Variants in PLEKHA2 observed in about 807,000 individuals in gnomAD.
PLEKHA2 encodes the protein pleckstrin homology domain containing A2, also known as pleckstrin homology domain-containing family A member 2.
Under a neutral mutation model 53.2 loss-of-function variants are expected in PLEKHA2, and 28 were observed. That is an observed-to-expected ratio of 0.53 (90% CI 0.39 to 0.72). The LOEUF (loss-of-function observed/expected upper bound fraction) is 0.72. PLEKHA2 is among the 30% of genes least tolerant of loss of function. The probability of loss-of-function intolerance (pLI) is 0.00; values close to 1 mark genes in which losing one functional copy is unlikely to be tolerated. For missense variants in PLEKHA2, 426 were observed against 537.9 expected, an observed-to-expected ratio of 0.79 and a Z score of 2.06; for synonymous variants, 193 against 196.4, an observed-to-expected ratio of 0.98 and a Z score of 0.14.
chr8:38,908,672 G>A (rs758801100), intron 1 of PLEKHA2, among the ~76,000 whole-genome samples: 38 of 152,208 alleles, frequency 2.5e-4, no homozygotes, highest in East Asian at 1.9e-3. Flanking sequence ...AAAACAGACC[G>A]TATATAGGAA....
At chr8:38,914,871 C>T (rs1489588929) in intron 1 of PLEKHA2, among the ~76,000 whole-genome samples, 1 of 152,168 alleles carries the variant, frequency 6.6e-6, no homozygotes, top group African/African-American at 2.4e-5. Flanking sequence ...ACCAGAGAGA[C>T]AGTTCCGGAG....
chr8:38,948,392 T>C (rs929978851), intron 5 of PLEKHA2, among the ~76,000 whole-genome samples: 2 of 152,154 alleles, frequency 1.3e-5, no homozygotes, highest in African/African-American at 4.8e-5. Flanking sequence ...GCCTGGTTGA[T>C]AAGATTAGTG....
rs1437614812 is a variant in PLEKHA2, at chr8:38,951,096, TG to T, written c.486+112del. 5.4e-5 allele frequency: 15 copies of T among 276,522 alleles called. No homozygotes were observed. In the African/African-American group the frequency reaches 7.5e-4, roughly 14 times the overall value. The allele number at this position is 276,522 out of a possible 1,614,324, so 17.1% of individuals were successfully genotyped here. A position where few individuals can be genotyped will look rare whatever the true frequency, so the allele number is the denominator to read the frequency against. On this transcript the variant is annotated intron_variant, in intron 6 of 11. Transcript: ENST00000617275. ...GTACTGGGGAAAAGGAGGGTGGGAG[TG>T]GGGGGCAGCTGGTGCCAGTGGAGCC...
At chr8:38,958,955 A>G (rs1158872642) in intron 10 of PLEKHA2, among the ~76,000 whole-genome samples, 1 of 152,168 alleles carries the variant, frequency 6.6e-6, no homozygotes, top group Admixed American at 6.5e-5. Context: ...CAGTGAAACG[A>G]TTCCGTATGA....
chr8:38,966,517 G>T, intron 10 of PLEKHA2, among the ~76,000 whole-genome samples: 1 of 152,136 alleles, frequency 6.6e-6, no homozygotes, highest in African/African-American at 2.4e-5. Flanking sequence ...TGTAACACCG[G>T]GTGGGGCCCT....
chr8:38,944,136 A>G (rs943450722), intron 4 of PLEKHA2, among the ~76,000 whole-genome samples: 1 of 151,980 alleles, frequency 6.6e-6, no homozygotes, highest in Admixed American at 6.6e-5. Flanking sequence ...CATGGGGTAC[A>G]TAATGTATAG....
At chr8:38,919,626 C>G (rs1834142781) in intron 2 of PLEKHA2, among the ~76,000 whole-genome samples, 1 of 152,216 alleles carries the variant, frequency 6.6e-6, no homozygotes, top group Admixed American at 6.5e-5. Flanking sequence ...CTCTAGGTCA[C>G]TGTCCAGGGA....
chr8:38,910,266 G>T (rs7836041), intron 1 of PLEKHA2, among the ~76,000 whole-genome samples: 124,195 of 152,160 alleles, frequency 0.82, 50,716 homozygotes, highest in Admixed American at 0.83. Context: ...CTGAAATACA[G>T]TTTTTAGTTA....
rs143433021 is a variant in PLEKHA2 at position 38,962,314 on chromosome 8, C to A, written c.837+4928C>A. Among the ~76,000 whole-genome samples the A allele has an allele frequency of 5.3e-5, 8 of 152,040 alleles. No individual in the cohort carries two copies. In the East Asian group the frequency reaches 1.5e-3, roughly 29 times the overall value. On this transcript the variant is annotated intron_variant, in intron 10 of 11. Transcript: ENST00000617275. ...CACCAGCCTCAGCAACCCAGTGAGA[C>A]CCCTGTCTCTAAAAACAAGCAAAAG...
intron 10 of PLEKHA2, among the ~76,000 whole-genome samples, chr8:38,960,235 GTT>G (rs1835017610): frequency 6.6e-6 from 1 of 152,194 alleles, no homozygotes; most frequent in South Asian, 2.1e-4. Context: ...GGACAAATCT[GTT>G]TACAGCACCT....
chr8:38,936,117 A>G (rs920591765), intron 3 of PLEKHA2, 67 bp downstream of exon 3: 41 of 1,517,516 alleles, frequency 2.7e-5, no homozygotes, highest in Non-Finnish European at 3.7e-5. Flanking sequence ...AGCAAGGGGA[A>G]GTGTCCAGTC....
intron 4 of PLEKHA2, among the ~76,000 whole-genome samples, chr8:38,945,770 A>T (rs1834702489): frequency 6.6e-6 from 1 of 152,212 alleles, no homozygotes; most frequent in African/African-American, 2.4e-5. Flanking sequence ...ATATACCGTG[A>T]TGACAGTAAA....
intron 10 of PLEKHA2, among the ~76,000 whole-genome samples, chr8:38,960,450 G>A (rs1835021427): frequency 6.6e-6 from 1 of 151,866 alleles, no homozygotes; most frequent in South Asian, 2.1e-4. Flanking sequence ...CTGCACTCCG[G>A]CCTGGGTGAC....
chr8:38,966,560 AC>A (rs1363540448), intron 10 of PLEKHA2, among the ~76,000 whole-genome samples: 1 of 152,018 alleles, frequency 6.6e-6, no homozygotes, highest in Non-Finnish European at 1.5e-5. Context: ...CTTGAACTCA[AC>A]CCCTATAAAG....
chr8:38,911,123 C>T (rs1286997834), intron 1 of PLEKHA2, among the ~76,000 whole-genome samples: 1 of 152,138 alleles, frequency 6.6e-6, no homozygotes, highest in Non-Finnish European at 1.5e-5. Context: ...GCTTTGTTAG[C>T]TGTGTGTTGT....
chr8:38,905,063 A>C (rs2152363201), intron 1 of PLEKHA2, among the ~76,000 whole-genome samples: 1 of 151,726 alleles, frequency 6.6e-6, no homozygotes, highest in East Asian at 1.9e-4. Flanking sequence ...CTGGCTCAAG[A>C]CTCATGCTCT....
intron 1 of PLEKHA2, among the ~76,000 whole-genome samples, chr8:38,910,083 A>C (rs932375993): frequency 6.6e-6 from 1 of 151,378 alleles, no homozygotes; most frequent in East Asian, 2.0e-4. Context: ...CAGCCTCCTG[A>C]GTAGCTGGGA....
chr8:38,938,129 C>T (rs62504370), intron 3 of PLEKHA2, among the ~76,000 whole-genome samples: 6,790 of 152,214 alleles, frequency 0.045, 223 homozygotes, highest in African/African-American at 0.091. Context: ...CAGCCAACCC[C>T]GCTGTCCCAC....
chr8:38,912,090 C>T (rs920660339), intron 1 of PLEKHA2, among the ~76,000 whole-genome samples: 12 of 152,158 alleles, frequency 7.9e-5, no homozygotes, highest in Admixed American at 6.5e-5. Context: ...CACCTGAGGT[C>T]AGGAGTTTGA....
Sources: allele counts gnomAD v4.1 joint callset (sites outside exome capture counted in the v4.1 genomes callset), GRCh38; gene constraint gnomAD v4.1.1; transcripts MANE v1.5; gene names NCBI Gene and HGNC (gene_info 2026-07-23, HGNC 2026-07-21).